Variants in DNM3 observed in about 807,000 individuals in gnomAD.
DNM3 encodes dynamin 3.
Under a neutral mutation model 101.6 loss-of-function variants are expected in DNM3, and 47 were observed. The ratio of observed to expected loss-of-function variants is 0.46; its 90% CI spans 0.37 to 0.59. DNM3 has a LOEUF of 0.59. DNM3 is among the 20% of genes least tolerant of loss of function. DNM3 has a pLI of 0.00. For synonymous variants in DNM3, 385 were observed against 387.9 expected (o/e 0.99, Z 0.09); for missense variants, 849 against 1,085.7 (o/e 0.78, Z 3.06).
intron 13 of DNM3, among the ~76,000 whole-genome samples, chr1:172,123,609 G>A (rs559290878): frequency 6.6e-6 from 1 of 152,274 alleles, no homozygotes; most frequent in South Asian, 2.1e-4. Flanking sequence ...CCCTCTGTGG[G>A]CAGGCGAGTT....
chr1:172,156,334 C>T (rs573614043), intron 14 of DNM3, among the ~76,000 whole-genome samples: 297 of 152,206 alleles, frequency 2.0e-3, no homozygotes, highest in African/African-American at 6.6e-3. Flanking sequence ...GCTCCATCCC[C>T]ATCCTATCCT....
At chr1:171,845,454 G>A (rs1207738652) in intron 1 of DNM3, among the ~76,000 whole-genome samples, 1 of 152,218 alleles carries the variant, frequency 6.6e-6, no homozygotes, top group East Asian at 1.9e-4. Context: ...TTGGGAGGCT[G>A]AGGTAGGAGG....
intron 1 of DNM3, among the ~76,000 whole-genome samples, chr1:171,843,171 AT>A (rs890797048): frequency 3.9e-5 from 6 of 152,104 alleles, no homozygotes; most frequent in African/African-American, 9.6e-5. Flanking sequence ...CTCAGATGAT[AT>A]TTTTTTTCCT....
chr1:172,051,742 C>T (rs1313649221), intron 10 of DNM3, among the ~76,000 whole-genome samples: 1 of 152,174 alleles, frequency 6.6e-6, no homozygotes, highest in Non-Finnish European at 1.5e-5. Flanking sequence ...GTTATTTCCC[C>T]TTCCAGCATT....
At chr1:172,243,982 A>G (rs965358557) in intron 14 of DNM3, among the ~76,000 whole-genome samples, 5 of 152,116 alleles carry the variant, frequency 3.3e-5, no homozygotes, top group Admixed American at 2.6e-4. Flanking sequence ...GTCATCTAGC[A>G]TTAGGTATAT....
chr1:172,274,639 T>G (rs553786660), intron 15 of DNM3, among the ~76,000 whole-genome samples: 10 of 151,972 alleles, frequency 6.6e-5, no homozygotes, highest in Non-Finnish European at 1.5e-4. Context: ...TTGCTTAATA[T>G]CCTTCATCTT....
Position 172,402,243 on chromosome 1 carries a change from A to G in DNM3, c.2523-5529A>G, listed in dbSNP as rs181371223. Among the ~76,000 whole-genome samples, 527 of 152,326 alleles carry G rather than the reference A, an allele frequency of 3.5e-3. 2 individuals carry two copies. Among genetic ancestry groups the G allele is most frequent in the Middle Eastern group, 0.02 (6 of 294 alleles). ...GAAGTAAAGCATTTCAATTCCTGAA[A>G]ACATAGAAAATGGTTTTTGTAGATA... is the stretch of plus-strand genomic sequence containing the variant. On this transcript the variant is annotated intron_variant, in intron 20 of 20. Coordinates refer to ENST00000627582, the MANE Select transcript of DNM3 (RefSeq NM_015569.5).
chr1:172,315,341 CCAAAGGAACGCAGTTCCTCACCAG>C (rs1308254221), intron 16 of DNM3, among the ~76,000 whole-genome samples: 12 of 152,166 alleles, frequency 7.9e-5, no homozygotes, highest in Non-Finnish European at 1.0e-4. Context: ...TGCCTCTCCT[CCAAAGGAACGCAGTTCCTCACCAG>C]CAACGGAACA....
intron 1 of DNM3, among the ~76,000 whole-genome samples, chr1:171,854,123 A>T (rs926546): frequency 0.6 from 91,333 of 152,048 alleles, 27,684 homozygotes; most frequent in East Asian, 0.8. Context: ...CTTAACAGAA[A>T]CTAGTGTAGA....
At position 171,841,523 on chromosome 1, in the gene DNM3, G is replaced by A. The variant is rs2031175727; in HGVS notation, c.-134G>A. On this transcript the variant is annotated 5_prime_UTR_variant, in exon 1 of 21. Coordinates refer to ENST00000627582, the MANE Select transcript of DNM3 (RefSeq NM_015569.5). ...AGAGCCAAGCGGCGGGCTGGCGGCGGGCTCCGACGTCTGCGCCAGGACCTG... is the reference window on the plus strand; with the variant it reads ...AGAGCCAAGCGGCGGGCTGGCGGCGAGCTCCGACGTCTGCGCCAGGACCTG... 5 of 1,269,266 alleles carry A rather than the reference G, an allele frequency of 3.9e-6. No homozygotes were observed. In the Admixed American group the frequency reaches 9.8e-5, roughly 25 times the overall value. The allele number at this position is 1,269,266 out of a possible 1,614,324, so 78.6% of individuals were successfully genotyped here. A position where few individuals can be genotyped will look rare whatever the true frequency, so the allele number is the denominator to read the frequency against.
intron 2 of DNM3, among the ~76,000 whole-genome samples, chr1:171,984,614 T>C (rs1247270319): frequency 6.6e-6 from 1 of 152,198 alleles, no homozygotes; most frequent in Non-Finnish European, 1.5e-5. Context: ...CCCAGAGCAT[T>C]TGCTATCCCC....
intron 1 of DNM3, among the ~76,000 whole-genome samples, chr1:171,865,242 G>A (rs144534343): frequency 7.2e-5 from 11 of 151,954 alleles, no homozygotes; most frequent in East Asian, 3.9e-4. Flanking sequence ...AGGGCTGGGC[G>A]TGGTAGCTTA....
downstream of DNM3, chr1:172,412,821 G>GT (rs1320942888): frequency 3.5e-6 from 3 of 858,100 alleles, no homozygotes; most frequent in Non-Finnish European, 4.2e-6. Context: ...TTGTCCCAGA[G>GT]TTACCAAAGT....
intron 15 of DNM3, among the ~76,000 whole-genome samples, chr1:172,259,199 G>A (rs934047612): frequency 6.6e-6 from 1 of 151,988 alleles, no homozygotes; most frequent in Non-Finnish European, 1.5e-5. Flanking sequence ...TCTGTGTGCT[G>A]ATTAAGAATA....
intron 3 of DNM3, among the ~76,000 whole-genome samples, 156 bp from the exon 4 acceptor site, chr1:171,988,789 A>G (rs1391346536): frequency 1.3e-5 from 2 of 152,216 alleles, no homozygotes; most frequent in Non-Finnish European, 2.9e-5. Context: ...GAAAACTAGC[A>G]AAACCATTTT....
At chr1:172,208,979 G>A (rs1039855389) in intron 14 of DNM3, among the ~76,000 whole-genome samples, 6 of 152,080 alleles carry the variant, frequency 3.9e-5, no homozygotes, top group Admixed American at 1.3e-4. Flanking sequence ...ACAGAAGAGA[G>A]AAGGTTGGGA....
At chr1:171,930,351 G>A (rs1381370481) in intron 2 of DNM3, among the ~76,000 whole-genome samples, 1 of 152,180 alleles carries the variant, frequency 6.6e-6, no homozygotes, top group Non-Finnish European at 1.5e-5. Context: ...CCTGCAGACA[G>A]TCACTTCTCA....
chr1:172,358,819 C>T (rs901876445), intron 17 of DNM3, among the ~76,000 whole-genome samples: 1 of 151,938 alleles, frequency 6.6e-6, no homozygotes, highest in Non-Finnish European at 1.5e-5. Context: ...TAATAAAAAG[C>T]ACATAAAATT....
At chr1:172,253,804 T>C in intron 15 of DNM3, 122 bp downstream of exon 15, 1 of 517,926 alleles carries the variant, frequency 1.9e-6, no homozygotes. Context: ...TCTTCAGTTT[T>C]CCTTTCATTT....
Sources: allele counts gnomAD v4.1 joint callset (sites outside exome capture counted in the v4.1 genomes callset), GRCh38; gene constraint gnomAD v4.1.1; transcripts MANE v1.5; gene names NCBI Gene and HGNC (gene_info 2026-07-23, HGNC 2026-07-21).